Variants in DIS3L2 observed in about 807,000 individuals in gnomAD.
DIS3L2 encodes DIS3 like 3'-5' exoribonuclease 2, also known as DIS3-like exonuclease 2.
A neutral mutation model predicts 97.5 loss-of-function variants in DIS3L2; 34 were observed. The ratio of observed to expected loss-of-function variants is 0.35; its 90% CI spans 0.27 to 0.46. DIS3L2 has a LOEUF of 0.46. Among genes scored for constraint, DIS3L2 ranks in the 20% least tolerant of loss-of-function variants. The probability of loss-of-function intolerance (pLI) is 1.00; values close to 1 mark genes in which losing one functional copy is unlikely to be tolerated. For missense variants in DIS3L2, 1,038 were observed against 1,146.0 expected, an observed-to-expected ratio of 0.91 and a Z score of 1.36; for synonymous variants, 435 against 445.2, an observed-to-expected ratio of 0.98 and a Z score of 0.29.
chr2:232,338,560 A>C (rs1366972214), downstream of DIS3L2, among the ~76,000 whole-genome samples: 5 of 149,842 alleles, frequency 3.3e-5, no homozygotes, highest in African/African-American at 1.2e-4. Context: ...GGGTCAGGTC[A>C]GGTCTCTGCC....
intron 16 of DIS3L2, among the ~76,000 whole-genome samples, chr2:232,333,345 T>TCTTCTTC (rs1695827619): frequency 6.8e-6 from 1 of 146,366 alleles, no homozygotes; most frequent in South Asian, 2.4e-4. Context: ...TACCTTTCTT[T>TCTTCTTC]CTTCTTCCTT....
At chr2:231,983,582 A>G (rs1277183493) in intron 1 of DIS3L2, among the ~76,000 whole-genome samples, 1 of 152,136 alleles carries the variant, frequency 6.6e-6, no homozygotes, top group Non-Finnish European at 1.5e-5. Flanking sequence ...TGTGCTCTTT[A>G]TCAGAATCTA....
intron 6 of DIS3L2, among the ~76,000 whole-genome samples, chr2:232,113,937 ATCAGTGCT>A (rs1697622038): frequency 6.6e-6 from 1 of 152,158 alleles, no homozygotes; most frequent in Non-Finnish European, 1.5e-5. Flanking sequence ...CTCTCATAAG[ATCAGTGCT>A]TGAGATATTT....
chr2:232,317,884 T>C (rs1575015145), intron 14 of DIS3L2, among the ~76,000 whole-genome samples: 1 of 152,260 alleles, frequency 6.6e-6, no homozygotes, highest in Admixed American at 6.5e-5. Flanking sequence ...TTAAATAAGA[T>C]AACAAAGTTT....
chr2:232,304,256 G>A (rs1275958922), intron 14 of DIS3L2, among the ~76,000 whole-genome samples: 2 of 151,820 alleles, frequency 1.3e-5, no homozygotes, highest in Non-Finnish European at 2.9e-5. Flanking sequence ...TTGTCAAATT[G>A]AAGTTTGGAG....
chr2:232,092,120 C>G (rs1316826042), intron 6 of DIS3L2, among the ~76,000 whole-genome samples: 1 of 152,122 alleles, frequency 6.6e-6, no homozygotes, highest in Admixed American at 6.6e-5. Flanking sequence ...TATGGATATC[C>G]AGTTTTCTCA....
At chr2:232,202,274 T>C (rs1165762067) in intron 9 of DIS3L2, among the ~76,000 whole-genome samples, 2 of 152,180 alleles carry the variant, frequency 1.3e-5, no homozygotes, top group Non-Finnish European at 2.9e-5. Flanking sequence ...GGCACGCACC[T>C]GTAGTCCCAG....
At chr2:232,343,892 A>G (rs1449091658) in exon 14 of DIS3L2, 3 of 269,954 alleles carry the variant, frequency 1.1e-5, no homozygotes, top group Non-Finnish European at 2.2e-5. Context: ...GAAAGGATTT[A>G]TGAGTAACTA....
intron 6 of DIS3L2, among the ~76,000 whole-genome samples, chr2:232,125,755 G>C (rs769108140): frequency 6.6e-6 from 1 of 152,114 alleles, no homozygotes; most frequent in Non-Finnish European, 1.5e-5. Context: ...GCTAGATGTG[G>C]GGTCCTAGAA....
intron 5 of DIS3L2, among the ~76,000 whole-genome samples, chr2:232,063,191 G>A (rs1391582151): frequency 6.6e-6 from 1 of 152,030 alleles, no homozygotes; most frequent in Non-Finnish European, 1.5e-5. Flanking sequence ...TTTTGAACAT[G>A]GTTCCTTTGA....
At chr2:232,189,133 C>T (rs72992333) in intron 9 of DIS3L2, among the ~76,000 whole-genome samples, 1,938 of 152,226 alleles carry the variant, frequency 0.013, 17 homozygotes, top group Non-Finnish European at 0.018. Flanking sequence ...CAAACGTTGC[C>T]GGTGGAAATG....
intron 1 of DIS3L2, among the ~76,000 whole-genome samples, chr2:231,989,213 A>T (rs1045610010): frequency 6.6e-6 from 1 of 152,154 alleles, no homozygotes; most frequent in Non-Finnish European, 1.5e-5. Flanking sequence ...TTGCTCAATA[A>T]AATTTATGCT....
At chr2:232,082,574 C>A (rs1281202209) in intron 5 of DIS3L2, among the ~76,000 whole-genome samples, 4 of 152,144 alleles carry the variant, frequency 2.6e-5, no homozygotes, top group Non-Finnish European at 5.9e-5. Flanking sequence ...CCCGTAACAG[C>A]CCCCTACTTC....
chr2:232,077,983 TTCTTTCTTTC>T (rs1696258684), intron 5 of DIS3L2, among the ~76,000 whole-genome samples: 1 of 142,188 alleles, frequency 7.0e-6, no homozygotes, highest in South Asian at 2.2e-4. Flanking sequence ...CTTTCTTTCT[TTCTTTCTTTC>T]TTTCTTTCTT....
intron 1 of DIS3L2, among the ~76,000 whole-genome samples, chr2:232,006,316 T>C (rs1694051754): frequency 6.6e-6 from 1 of 152,246 alleles, no homozygotes; most frequent in South Asian, 2.1e-4. Flanking sequence ...ATCTTTATGG[T>C]ACATACACCG....
chr2:232,121,565 C>A (rs749022921), intron 6 of DIS3L2, among the ~76,000 whole-genome samples: 1 of 152,222 alleles, frequency 6.6e-6, no homozygotes, highest in Non-Finnish European at 1.5e-5. Flanking sequence ...AATTTATATC[C>A]TTTCTTGGTT....
At chr2:232,066,065 T>C (rs1361125363) in intron 5 of DIS3L2, among the ~76,000 whole-genome samples, 1 of 151,922 alleles carries the variant, frequency 6.6e-6, no homozygotes, top group Non-Finnish European at 1.5e-5. Flanking sequence ...TTAAAGATTC[T>C]GTAGGATTTT....
In DIS3L2 at chr2:232,210,341, C is replaced by T. The variant is rs762886185; in HGVS notation, c.1140C>T (p.Phe380=). 6 of 1,613,516 alleles carry T rather than the reference C, an allele frequency of 3.7e-6. No individual in the cohort carries two copies. Among genetic ancestry groups the T allele is most frequent in the South Asian group, 2.2e-5 (2 of 91,070 alleles). Residue 380 remains phenylalanine, a synonymous_variant, in exon 10 of 21, where the codon TTC becomes TTT. Coordinates refer to ENST00000325385, the MANE Select transcript of DIS3L2 (RefSeq NM_152383.5). ...TCTTTCCTAGAAAAGACTGTATCTT[C>T]ACCATTGACCCATCAACCGCCCGAG... ...KRRDLRKDCI[F]TIDPSTARDL... is the part of the protein sequence containing the mutation.
At chr2:232,202,988 G>A (rs912302938) in intron 9 of DIS3L2, among the ~76,000 whole-genome samples, 2 of 152,208 alleles carry the variant, frequency 1.3e-5, no homozygotes, top group Non-Finnish European at 2.9e-5. Flanking sequence ...GCATCTGATT[G>A]TACTGGAATG....
Sources: allele counts gnomAD v4.1 joint callset (sites outside exome capture counted in the v4.1 genomes callset), GRCh38; gene constraint gnomAD v4.1.1; transcripts MANE v1.5; gene names NCBI Gene and HGNC (gene_info 2026-07-23, HGNC 2026-07-21).